PLEKHG4B: variants seen among roughly 807,000 people sequenced by gnomAD.
PLEKHG4B encodes the protein pleckstrin homology domain-containing family G member 4B.
Under a neutral mutation model 121.3 loss-of-function variants are expected in PLEKHG4B, and 111 were observed. The ratio of observed to expected loss-of-function variants is 0.92; its 90% CI spans 0.78 to 1.07. PLEKHG4B has a LOEUF of 1.07. Ranked by LOEUF, PLEKHG4B falls within the 50% of genes least tolerant of loss-of-function variation. The pLI, the probability that PLEKHG4B is intolerant of heterozygous loss-of-function variation, is 0.00. For missense variants in PLEKHG4B, 1,831 were observed against 1,757.8 expected, an observed-to-expected ratio of 1.04 and a Z score of -0.74; for synonymous variants, 738 against 725.0, an observed-to-expected ratio of 1.02 and a Z score of -0.29.
chr5:101,037 G>A (rs1272728940), intron 1 of PLEKHG4B, among the ~76,000 whole-genome samples: 21 of 68,240 alleles, frequency 3.1e-4, no homozygotes, highest in Non-Finnish European at 4.6e-4. Context: ...GAAAAAGTCT[G>A]TAGGGGAGAG....
At chr5:107,299 G>C (rs149831172) in intron 1 of PLEKHG4B, among the ~76,000 whole-genome samples, 6 of 152,186 alleles carry the variant, frequency 3.9e-5, no homozygotes, top group African/African-American at 1.4e-4. Flanking sequence ...GAGACCCCAT[G>C]CTTGGCCCTT....
At chr5:126,971 G>A (rs529489766) in intron 2 of PLEKHG4B, among the ~76,000 whole-genome samples, 1 of 152,272 alleles carries the variant, frequency 6.6e-6, no homozygotes, top group Non-Finnish European at 1.5e-5. Context: ...TAGTGTGCGG[G>A]TCGGGGAAGC....
Position 92,634 on chromosome 5 carries a change from C to T in PLEKHG4B, c.45+358C>T, listed in dbSNP as rs115964922. 2.4e-3 allele frequency among the ~76,000 whole-genome samples: 359 copies of T among 151,660 alleles called. 2 individuals carry two copies. The highest frequency in any genetic ancestry group is 8.1e-3 in the African/African-American group (333 of 41,276). On this transcript the variant is annotated intron_variant, in intron 1 of 19. Coordinates refer to ENST00000637938, the MANE Select transcript of PLEKHG4B (RefSeq NM_052909.5). ...CTGCTGCGGGAACGGGAGGGAGCTT[C>T]TTCAGGCACCCTTTTCCTTGTAACC...
At position 173,986 on chromosome 5, in the gene PLEKHG4B, G is replaced by A; in HGVS notation, c.4290G>A (p.Arg1430=). ...TGAGGTTTGAGATTTGGTTTCGCAG[G>A]CGGCGGAAATCTCAGGACACCTACA... The part of the protein sequence containing the change: ...SGLRFEIWFR[R]RRKSQDTYIL... The change falls in exon 18 of 20, where the codon AGG becomes AGA. Residue 1430 remains arginine, a synonymous_variant. Transcript: ENST00000637938. 1 of 1,612,518 alleles carries A rather than the reference G, an allele frequency of 6.2e-7. No individual in the cohort carries two copies. The highest frequency in any genetic ancestry group is 8.5e-7 in the Non-Finnish European group (1 of 1,179,546).
At chr5:99,848 T>C (rs1357832274) in intron 1 of PLEKHG4B, among the ~76,000 whole-genome samples, 1 of 152,114 alleles carries the variant, frequency 6.6e-6, no homozygotes, top group Non-Finnish European at 1.5e-5. Context: ...TTGAGTATAT[T>C]AGCTGTGTGT....
intron 13 of PLEKHG4B, among the ~76,000 whole-genome samples, chr5:168,459 C>T (rs1338850305): frequency 7.2e-5 from 11 of 152,260 alleles, no homozygotes; most frequent in South Asian, 2.1e-4. Context: ...AGCTGACCCT[C>T]GAGAAAACCT....
intron 1 of PLEKHG4B, among the ~76,000 whole-genome samples, chr5:108,623 TGGTGTAGACAGACTGGGTGCAGATGGCTG>T (rs1560899217): frequency 2.2e-5 from 3 of 138,352 alleles, no homozygotes; most frequent in Admixed American, 7.2e-5. Context: ...TGCAGATGGC[TGGTGTAGACAGACTGGGTGCAGATGGCTG>T]GGTGTAGACA....
rs1579283441 is a variant in PLEKHG4B, at chr5:143,114, G to A, written c.1545G>A (p.Gly515=). Reference sequence around the variant, plus strand: ...GCCTCCATTGCCACAACCCCAGCGGGCCTTCCGATGTGCCTGCCCGGCAGC... The same window carrying A: ...GCCTCCATTGCCACAACCCCAGCGGACCTTCCGATGTGCCTGCCCGGCAGC... ...GGSLHCHNPS[G]PSDVPARQPH... The change falls in exon 4 of 20, where the codon GGG becomes GGA. Residue 515 remains glycine, a synonymous_variant. Transcript: ENST00000637938. 2.5e-6 allele frequency: 4 copies of A among 1,612,728 alleles called. No individual in the cohort carries two copies. The East Asian group carries it at 8.9e-5, about 36-fold the overall frequency.
At chr5:172,789 C>T in intron 16 of PLEKHG4B, 108 bp from the exon 17 acceptor site, 1 of 1,253,468 alleles carries the variant, frequency 8.0e-7, no homozygotes, top group Non-Finnish European at 1.1e-6. Flanking sequence ...AGTTTGGCTG[C>T]TGTTCCGTCT....
Position 187,194 on chromosome 5 carries a change from G to T in PLEKHG4B, c.*4871G>T, listed in dbSNP as rs1733654075. 1 of 152,460 alleles carries T rather than the reference G, an allele frequency of 6.6e-6. No individual in the cohort carries two copies. The highest frequency in any genetic ancestry group is 1.5e-5 in the Non-Finnish European group (1 of 68,252). 9.4% of individuals were successfully genotyped at this position (152,460 alleles called of 1,614,324 possible). A position where few individuals can be genotyped will look rare whatever the true frequency, so the allele number is the denominator to read the frequency against. On this transcript the variant is annotated 3_prime_UTR_variant, in exon 20 of 20. Coordinates refer to ENST00000637938, the MANE Select transcript of PLEKHG4B (RefSeq NM_052909.5). ...AGGTGAGGAAGGGGTGCCGGCATCTGCCCCAGACACAACCGGGCAGGTACA... is the reference window on the plus strand; with the variant it reads ...AGGTGAGGAAGGGGTGCCGGCATCTTCCCCAGACACAACCGGGCAGGTACA...
chr5:109,146 G>C, intron 1 of PLEKHG4B, among the ~76,000 whole-genome samples: 1 of 152,122 alleles, frequency 6.6e-6, no homozygotes, highest in East Asian at 1.9e-4. Flanking sequence ...TGCTGCCCAC[G>C]GATGTCTTGC....
chr5:101,456 C>A (rs1376897189), intron 1 of PLEKHG4B, among the ~76,000 whole-genome samples: 1 of 99,232 alleles, frequency 1.0e-5, no homozygotes, highest in South Asian at 2.9e-4. Context: ...CGGGGAAAAG[C>A]CTGTAGGGGA....
chr5:143,532 C>A (rs1457798069), intron 5 of PLEKHG4B, 29 bp downstream of exon 5: 10 of 1,608,476 alleles, frequency 6.2e-6, no homozygotes, highest in Non-Finnish European at 8.5e-6. Flanking sequence ...CCGCACCCTG[C>A]AGACCCATGG....
Position 139,582 on chromosome 5 carries a change from C to T in PLEKHG4B, c.343C>T (p.Gln115Ter), listed in dbSNP as rs767240343. 3 of 398,984 alleles carry T rather than the reference C, an allele frequency of 7.5e-6. No individual in the cohort carries two copies. The highest frequency in any genetic ancestry group is 1.3e-5 in the Non-Finnish European group (3 of 226,128). 24.7% of individuals were successfully genotyped at this position (398,984 alleles called of 1,614,324 possible). The change falls in exon 3 of 20, where the codon CAG becomes TAG. Residue 115 changes from glutamine (Q) to a stop codon, truncating the protein, a stop_gained. Coordinates refer to ENST00000637938, the MANE Select transcript of PLEKHG4B (RefSeq NM_052909.5). LOFTEE classifies it high-confidence loss of function. This position sits in a 1 kb window ranked among gnomAD's most constrained non-coding sequence, Gnocchi z 5.0. ...QLASLHGVRL[Q>*]PGDFYLQVTS... ...GGCGTCCCTGCACGGAGTCAGGCTC[C>T]AGCCCGGGGACTTCTACCTGCAGGT... is the stretch of plus-strand genomic sequence containing the variant.
intron 18 of PLEKHG4B, 94 bp from the exon 19 acceptor site, chr5:181,420 G>C: frequency 7.4e-7 from 1 of 1,359,238 alleles, no homozygotes; most frequent in Non-Finnish European, 1.0e-6. Context: ...CACCCTCCTG[G>C]TTTGGGCTGA....
intron 1 of PLEKHG4B, among the ~76,000 whole-genome samples, chr5:110,075 AAC>A (rs1290627952): frequency 1.3e-5 from 2 of 151,342 alleles, no homozygotes; most frequent in South Asian, 2.1e-4. Flanking sequence ...CACAATCTGC[AAC>A]ACACATGCAC....
Position 139,656 on chromosome 5 carries a change from C to G in PLEKHG4B, c.417C>G (p.Ser139=), listed in dbSNP as rs1215673832. ...QSARLVLKCL[S]RLGRGTEEVT... ...CTAGACTGGTCTTGAAATGCCTGTC[C>G]CGGCTGGGAAGAGGCACAGAGGAAG... Residue 139 remains serine (S), a synonymous_variant, in exon 3 of 20, where the codon TCC becomes TCG. Coordinates refer to ENST00000637938, the MANE Select transcript of PLEKHG4B (RefSeq NM_052909.5). The surrounding 1 kb of genome is among the most constrained non-coding windows in gnomAD (Gnocchi z 5.0). 1.0e-5 allele frequency: 4 copies of G among 398,904 alleles called. No homozygotes were observed. The East Asian group carries it at 1.4e-4, about 14-fold the overall frequency. 24.7% of individuals were successfully genotyped at this position (398,904 alleles called of 1,614,324 possible). A position where few individuals can be genotyped will look rare whatever the true frequency, so the allele number is the denominator to read the frequency against.
At chr5:141,704 A>G (rs62344127) in intron 3 of PLEKHG4B, among the ~76,000 whole-genome samples, 12 of 146,536 alleles carry the variant, frequency 8.2e-5, no homozygotes, top group Non-Finnish European at 1.6e-4. Context: ...TATTTCTTAA[A>G]TATTTCATTT....
In PLEKHG4B at chr5:146,314, C is replaced by T. The variant is rs150659399; in HGVS notation, c.1905+1394C>T. On this transcript the variant is annotated intron_variant, in intron 6 of 19. Transcript: ENST00000637938. ...ACCCTGTGACCCTCCCTCCTCCCCA[C>T]CATAGTCCTCCATCCTCTCCTCCTC... Among the ~76,000 whole-genome samples, 925 of 128,640 alleles carry T rather than the reference C, an allele frequency of 7.2e-3. 10 individuals carry two copies. The highest frequency in any genetic ancestry group is 0.012 in the Non-Finnish European group (708 of 59,914). 84.4% of individuals were successfully genotyped at this position (128,640 alleles called of 152,430 possible).
Sources: gnomAD v4.1 joint callset for allele counts (sites outside exome capture counted in the v4.1 genomes callset) on GRCh38, gnomAD v4.1.1 for gene constraint, Gnocchi (gnomAD v3.1) non-coding constraint, MANE v1.5 for transcripts, NCBI Gene and HGNC (gene_info 2026-07-23, HGNC 2026-07-21) for gene names.